RELCH: variants seen among roughly 807,000 people sequenced by gnomAD.
The protein encoded by RELCH is RAB11-binding protein RELCH.
Under a neutral mutation model 150.3 loss-of-function variants are expected in RELCH, and 41 were observed. The ratio of observed to expected loss-of-function variants is 0.27; its 90% CI spans 0.21 to 0.35. RELCH has a LOEUF of 0.35. Ranked by LOEUF, RELCH falls within the 10% of genes least tolerant of loss-of-function variation. The pLI is 1.00. For synonymous variants in RELCH, 478 were observed against 531.8 expected (o/e 0.90, Z 1.39); for missense variants, 1,092 against 1,467.8 (o/e 0.74, Z 4.18).
At chr18:62,292,733 A>G (rs747961506) in intron 27 of RELCH, among the ~76,000 whole-genome samples, 10 of 152,200 alleles carry the variant, frequency 6.6e-5, no homozygotes, top group Non-Finnish European at 1.5e-4. Flanking sequence ...AACATAGAGT[A>G]TGTCCAATTA....
chr18:62,253,362 G>A (rs372155028), intron 12 of RELCH, among the ~76,000 whole-genome samples: 2 of 151,424 alleles, frequency 1.3e-5, no homozygotes, highest in Admixed American at 6.6e-5. Flanking sequence ...TATATAAGGT[G>A]TAAATCTTTG....
chr18:62,189,695 C>T lies in RELCH; in HGVS notation c.526+1664C>T, dbSNP rs145829934. Among the ~76,000 whole-genome samples, 19 of 152,252 alleles carry T rather than the reference C, an allele frequency of 1.2e-4. No individual in the cohort carries two copies. In the East Asian group the frequency reaches 3.7e-3, roughly 29 times the overall value. On this transcript the variant is annotated intron_variant, in intron 1 of 28. Transcript: ENST00000644646. ...CCCTGTCTTATTAGGGCTATCATAG[C>T]ATTGTTTCTAGTGAAAATTCCTCCT...
intron 12 of RELCH, among the ~76,000 whole-genome samples, chr18:62,253,375 G>A (rs2042833078): frequency 6.6e-6 from 1 of 151,762 alleles, no homozygotes; most frequent in Non-Finnish European, 1.5e-5. Context: ...AATCTTTGAT[G>A]TGGGAGGTTT....
rs137929790 is a variant in RELCH at position 62,248,614 on chromosome 18, C to G, written c.1733+3738C>G. On this transcript the variant is annotated intron_variant, in intron 11 of 28. Transcript: ENST00000644646. ...ATTTCTCCTAAACATTCCCCTTTTT[C>G]CCACAGATGAACTAGATACATTATG... 7.9e-5 allele frequency among the ~76,000 whole-genome samples: 12 copies of G among 152,198 alleles called. No homozygotes were observed. The East Asian group carries it at 2.3e-3, about 29-fold the overall frequency.
intron 25 of RELCH, among the ~76,000 whole-genome samples, 158 bp downstream of exon 25, chr18:62,282,602 A>T (rs570086888): frequency 2.4e-4 from 37 of 152,326 alleles, no homozygotes; most frequent in African/African-American, 8.4e-4. Context: ...ACTGAAAGCT[A>T]AACATGAAAC....
intron 4 of RELCH, 47 bp from the exon 5 acceptor site, chr18:62,221,334 TGAA>T (rs764514286): frequency 3.4e-5 from 52 of 1,543,864 alleles, no homozygotes; most frequent in Non-Finnish European, 4.4e-5. Flanking sequence ...ACATAAATAT[TGAA>T]GGAGGAATAC....
intron 10 of RELCH, among the ~76,000 whole-genome samples, chr18:62,240,648 T>A (rs1308190617): frequency 5.3e-5 from 8 of 152,028 alleles, no homozygotes; most frequent in Non-Finnish European, 2.9e-5. Flanking sequence ...TCCTCTTCTA[T>A]TAATGAATTC....
chr18:62,226,522 A>C (rs1189465492), intron 5 of RELCH, among the ~76,000 whole-genome samples: 1 of 152,120 alleles, frequency 6.6e-6, no homozygotes, highest in Non-Finnish European at 1.5e-5. Context: ...AAGTTGGAGT[A>C]ATAAAAGAAG....
chr18:62,218,409 T>A (rs949779626), intron 2 of RELCH, among the ~76,000 whole-genome samples: 5 of 151,966 alleles, frequency 3.3e-5, no homozygotes, highest in African/African-American at 1.2e-4. Context: ...CTAGCAAGCA[T>A]TTCAAGATAA....
chr18:62,193,957 T>C (rs534169982), intron 1 of RELCH, among the ~76,000 whole-genome samples: 1 of 152,274 alleles, frequency 6.6e-6, no homozygotes, highest in South Asian at 2.1e-4. Context: ...CTTAATGATG[T>C]GTCTCAGACC....
intron 11 of RELCH, among the ~76,000 whole-genome samples, chr18:62,249,954 G>GA (rs1485396352): frequency 6.6e-6 from 1 of 151,990 alleles, no homozygotes; most frequent in Non-Finnish European, 1.5e-5. Flanking sequence ...CGTATCCCGA[G>GA]AAAAGCTTAA....
At chr18:62,244,722 ATG>A (rs1455666636) in intron 10 of RELCH, 40 bp from the exon 11 acceptor site, 1 of 1,232,472 alleles carries the variant, frequency 8.1e-7, no homozygotes, top group African/African-American at 1.5e-5. Context: ...ATATTCTGCA[ATG>A]TGTTTTTATT....
intron 25 of RELCH, among the ~76,000 whole-genome samples, chr18:62,286,601 G>T (rs1292028804): frequency 1.3e-5 from 2 of 152,040 alleles, no homozygotes; most frequent in African/African-American, 2.4e-5. Flanking sequence ...CTAGAAAGGG[G>T]TTGTGTGATT....
At chr18:62,235,645 T>C (rs2041840577) in intron 10 of RELCH, among the ~76,000 whole-genome samples, 1 of 152,094 alleles carries the variant, frequency 6.6e-6, no homozygotes, top group Non-Finnish European at 1.5e-5. Flanking sequence ...TAATTTTTAG[T>C]ATACAATTCT....
At chr18:62,298,096 C>CCCA (rs2045502393) in intron 27 of RELCH, among the ~76,000 whole-genome samples, 1 of 150,870 alleles carries the variant, frequency 6.6e-6, no homozygotes, top group East Asian at 2.0e-4. Flanking sequence ...TGCTTTATCC[C>CCCA]CCCCCGTCTA....
chr18:62,273,477 T>A (rs371740408), intron 20 of RELCH, among the ~76,000 whole-genome samples: 1 of 152,226 alleles, frequency 6.6e-6, no homozygotes, highest in East Asian at 1.9e-4. Flanking sequence ...ATTCTAGTAG[T>A]TTGTATTATA....
chr18:62,240,420 T>C (rs2042089587), intron 10 of RELCH, among the ~76,000 whole-genome samples: 1 of 150,332 alleles, frequency 6.7e-6, no homozygotes, highest in Non-Finnish European at 1.5e-5. Context: ...TTTTCTTTTT[T>C]TTTTTGGTGA....
chr18:62,247,996 A>C (rs563120344), intron 11 of RELCH, among the ~76,000 whole-genome samples: 1 of 152,148 alleles, frequency 6.6e-6, no homozygotes, highest in Non-Finnish European at 1.5e-5. Context: ...ATGTAAATGT[A>C]TATGTTCCTG....
rs2144729369 is a variant in RELCH at position 62,264,865 on chromosome 18, A to G, written c.2631+13A>G. ...TACAAACACTAAGGTAAAAACTTGT[A>G]TTCCATGTTTTCTTATATGAAAAAG... is the stretch of plus-strand genomic sequence containing the variant. On this transcript the variant is annotated intron_variant, in intron 18 of 28. Transcript: ENST00000644646. 1 of 1,594,056 alleles carries G rather than the reference A, an allele frequency of 6.3e-7. No homozygotes were observed. The highest frequency in any genetic ancestry group is 8.5e-7 in the Non-Finnish European group (1 of 1,170,542).
Sources: allele counts gnomAD v4.1 joint callset (sites outside exome capture counted in the v4.1 genomes callset), GRCh38; gene constraint gnomAD v4.1.1; transcripts MANE v1.5; gene names NCBI Gene and HGNC (gene_info 2026-07-23, HGNC 2026-07-21).